Variants in PRKCB observed in about 807,000 individuals in gnomAD.
PRKCB encodes protein kinase C beta type.
PRKCB carries 13 observed loss-of-function variants against 81.5 expected under a neutral mutation model. That is an observed-to-expected ratio of 0.16 (90% confidence interval 0.10 to 0.25). The LOEUF is 0.25. Ranked by LOEUF, PRKCB falls within the 10% of genes least tolerant of loss-of-function variation. The pLI is 1.00. For missense variants in PRKCB, 509 were observed against 875.7 expected (o/e 0.58, Z 5.29); for synonymous variants, 335 against 321.4 (o/e 1.04, Z -0.45).
intron 4 of PRKCB, among the ~76,000 whole-genome samples, chr16:24,033,632 G>A (rs1174157182): frequency 6.6e-6 from 1 of 152,074 alleles, no homozygotes; most frequent in Non-Finnish European, 1.5e-5. Flanking sequence ...CAAGGTGGTG[G>A]GTACTTGTAA....
chr16:24,186,123 A>G (rs1468320461), intron 15 of PRKCB, among the ~76,000 whole-genome samples: 1 of 152,148 alleles, frequency 6.6e-6, no homozygotes, highest in Non-Finnish European at 1.5e-5. Context: ...GCACGCTTGG[A>G]CATCTACGGT....
chr16:24,132,825 G>A (rs1966855477), intron 9 of PRKCB, among the ~76,000 whole-genome samples: 1 of 147,284 alleles, frequency 6.8e-6, no homozygotes, highest in South Asian at 2.2e-4. Flanking sequence ...CTGTCACCCA[G>A]GCTGGAGGGC....
At chr16:23,986,065 A>G (rs760866054) in intron 2 of PRKCB, among the ~76,000 whole-genome samples, 24 of 152,186 alleles carry the variant, frequency 1.6e-4, no homozygotes, top group Non-Finnish European at 3.1e-4. Flanking sequence ...AAGAAATTAG[A>G]CATGGATCAA....
chr16:24,158,211 T>A (rs1474429967), intron 10 of PRKCB, among the ~76,000 whole-genome samples: 1 of 152,360 alleles, frequency 6.6e-6, no homozygotes. Flanking sequence ...TCTGCGCATA[T>A]GCTCATTGAG....
chr16:23,878,125 C>T (rs185076111), intron 2 of PRKCB, among the ~76,000 whole-genome samples: 6 of 152,314 alleles, frequency 3.9e-5, no homozygotes, highest in Admixed American at 3.3e-4. Flanking sequence ...TGAGCCACCG[C>T]ACCCGGCCTG....
intron 5 of PRKCB, among the ~76,000 whole-genome samples, chr16:24,055,294 G>A (rs1182116399): frequency 1.3e-5 from 2 of 152,264 alleles, no homozygotes; most frequent in East Asian, 3.8e-4. Context: ...GAGACAGTGA[G>A]CTTTAGATGG....
chr16:24,190,236 A>C (rs1275263045), intron 15 of PRKCB, among the ~76,000 whole-genome samples: 2 of 152,226 alleles, frequency 1.3e-5, no homozygotes, highest in African/African-American at 4.8e-5. Flanking sequence ...GAAAGTAATT[A>C]CTTGAAACTT....
chr16:24,174,452 T>C, intron 11 of PRKCB, 66 bp from the exon 12 acceptor site: 1 of 1,416,488 alleles, frequency 7.1e-7, no homozygotes, highest in South Asian at 1.2e-5. Context: ...TATTGAATTC[T>C]GAGCATTGCC....
chr16:24,146,250 A>C (rs977829742), intron 9 of PRKCB, among the ~76,000 whole-genome samples: 2 of 152,118 alleles, frequency 1.3e-5, no homozygotes, highest in African/African-American at 2.4e-5. Flanking sequence ...TGAAATAATA[A>C]ATTCCTTTTG....
chr16:24,151,091 T>A (rs1967074624), intron 9 of PRKCB, among the ~76,000 whole-genome samples: 1 of 152,260 alleles, frequency 6.6e-6, no homozygotes, highest in African/African-American at 2.4e-5. Flanking sequence ...GTAGTTGCAC[T>A]ATGAAATAAA....
intron 5 of PRKCB, among the ~76,000 whole-genome samples, chr16:24,042,814 T>C (rs1016185273): frequency 1.3e-5 from 2 of 151,624 alleles, no homozygotes; most frequent in African/African-American, 4.9e-5. Flanking sequence ...CACGGCTTAC[T>C]GCAGCCTCGA....
intron 9 of PRKCB, among the ~76,000 whole-genome samples, chr16:24,128,411 G>A (rs1206963623): frequency 6.6e-6 from 1 of 152,188 alleles, no homozygotes; most frequent in African/African-American, 2.4e-5. Flanking sequence ...CTAATAATTT[G>A]TGGGGCAACT....
intron 2 of PRKCB, among the ~76,000 whole-genome samples, chr16:23,873,790 G>C (rs1267143989): frequency 6.6e-5 from 10 of 152,216 alleles, no homozygotes; most frequent in Non-Finnish European, 1.2e-4. Flanking sequence ...ATGTCAGCTA[G>C]AATTAGCCAC....
intron 7 of PRKCB, chr16:24,098,832 A>G (rs1966471642): frequency 1.3e-5 from 2 of 152,210 alleles, no homozygotes; most frequent in Non-Finnish European, 2.9e-5. Flanking sequence ...ACAAAGTAAT[A>G]TTACTGTGAG....
chr16:23,981,095 C>T (rs1964694868), intron 2 of PRKCB, among the ~76,000 whole-genome samples: 1 of 152,070 alleles, frequency 6.6e-6, no homozygotes, highest in African/African-American at 2.4e-5. Flanking sequence ...CCTAAAATGG[C>T]ACACATTTAT....
At chr16:24,204,609 A>G (rs984480443) in intron 16 of PRKCB, among the ~76,000 whole-genome samples, 8 of 152,210 alleles carry the variant, frequency 5.3e-5, no homozygotes, top group African/African-American at 1.9e-4. Flanking sequence ...ATAAGAAAAA[A>G]AATGATATTC....
At chr16:24,003,289 T>C (rs1175349482) in intron 3 of PRKCB, among the ~76,000 whole-genome samples, 1 of 152,118 alleles carries the variant, frequency 6.6e-6, no homozygotes, top group South Asian at 2.1e-4. Context: ...CCTCATTTGC[T>C]CCTGCTGTAG....
intron 2 of PRKCB, among the ~76,000 whole-genome samples, chr16:23,859,987 T>C (rs1301500613): frequency 6.6e-6 from 1 of 151,280 alleles, no homozygotes; most frequent in Non-Finnish European, 1.5e-5. Context: ...GGAAAATGGG[T>C]GGGAAATAAA....
At chr16:24,168,716 ATTTTTTTTTTTT>A (rs945320742) in intron 10 of PRKCB, among the ~76,000 whole-genome samples, 1 of 74,498 alleles carries the variant, frequency 1.3e-5, no homozygotes, top group Non-Finnish European at 2.9e-5. Flanking sequence ...ATGCCTGGCT[ATTTTTTTTTTTT>A]TTTTTTTTTT....
Sources: allele counts gnomAD v4.1 joint callset (sites outside exome capture counted in the v4.1 genomes callset), GRCh38; gene constraint gnomAD v4.1.1; transcripts MANE v1.5; gene names NCBI Gene and HGNC (gene_info 2026-07-23, HGNC 2026-07-21).